The following LIN54 variants were observed in gnomAD, a reference collection of about 807,000 sequenced individuals.
LIN54 encodes lin-54 DREAM MuvB core complex component.
In LIN54, 9 loss-of-function variants were observed where a neutral mutation model predicts 78.7. The ratio of observed to expected loss-of-function variants is 0.11; its 90% CI spans 0.07 to 0.20. LIN54 has a LOEUF of 0.20. LIN54 is among the 10% of genes least tolerant of loss of function. The pLI is 1.00. For synonymous variants in LIN54, 269 were observed against 318.4 expected (o/e 0.84, Z 1.65); for missense variants, 573 against 889.9 (o/e 0.64, Z 4.53).
rs553339083 is a variant in LIN54 at position 82,933,871 on chromosome 4, T to C, written c.1845+2110A>G. ...ATGTCTGAATTTCATATGCCCAGCA[T>C]GTATTGATTTTTCAATGCCATATAC... On this transcript the variant is annotated intron_variant, in intron 11 of 12. Transcript: ENST00000340417. 2.0e-5 allele frequency among the ~76,000 whole-genome samples: 3 copies of C among 152,334 alleles called. No homozygotes were observed. The South Asian group carries it at 6.2e-4, about 32-fold the overall frequency.
chr4:82,956,761 G>A (rs1724368955), intron 4 of LIN54, among the ~76,000 whole-genome samples: 1 of 115,986 alleles, frequency 8.6e-6, no homozygotes, highest in Non-Finnish European at 2.2e-5. Context: ...TTTCTTTGGG[G>A]TGGAGGGGTG....
intron 3 of LIN54, among the ~76,000 whole-genome samples, chr4:82,976,042 G>C (rs1158676588): frequency 6.6e-6 from 1 of 152,162 alleles, no homozygotes. Context: ...CATGTAAAAG[G>C]AACCTTGCCA....
chr4:82,982,751 A>G lies in LIN54; in HGVS notation c.684+1410T>C, dbSNP rs114965134. ...AGCACTAAATGTTTAATAATGGCAA[A>G]GGGGACAGAGGCAAATTATAAGATT... On this transcript the variant is annotated intron_variant, in intron 2 of 12. Transcript: ENST00000340417. Among the ~76,000 whole-genome samples the G allele has an allele frequency of 7.8e-3, 1,192 of 152,304 alleles. 14 individuals are homozygous for G. Among genetic ancestry groups the G allele is most frequent in the Non-Finnish European group, 9.7e-3 (657 of 68,030 alleles).
chr4:82,984,400 C>G lies in LIN54; in HGVS notation c.445G>C (p.Gly149Arg), dbSNP rs535444282. 6.2e-7 allele frequency: 1 copy of G among 1,614,158 alleles called. No homozygotes were observed. Among genetic ancestry groups the G allele is most frequent in the African/African-American group, 1.3e-5 (1 of 75,032 alleles). ...KLILTTLGKS[G>R]SPIVLALPHS... Reference sequence around the variant, plus strand: ...GGTAGTGCTAAAACAATTGGTGAACCAGACTTGCCCAAAGTTGTTAAAATT... The same window carrying G: ...GGTAGTGCTAAAACAATTGGTGAACGAGACTTGCCCAAAGTTGTTAAAATT... The change falls in exon 2 of 13, where the codon GGT becomes CGT. Residue 149 changes from glycine to arginine, a missense_variant. Transcript: ENST00000340417.
chr4:82,974,133 C>A (rs931180176), intron 3 of LIN54, among the ~76,000 whole-genome samples: 1 of 150,998 alleles, frequency 6.6e-6, no homozygotes, highest in Non-Finnish European at 1.5e-5. Flanking sequence ...TGGCGTGAAC[C>A]CAGGAGGCGG....
intron 1 of LIN54, among the ~76,000 whole-genome samples, chr4:83,000,192 C>A (rs533432334): frequency 6.6e-6 from 1 of 152,250 alleles, no homozygotes; most frequent in African/African-American, 2.4e-5. Context: ...CCATGCCCAG[C>A]CCAAACAGGC....
At chr4:82,987,099 T>G (rs1339281878) in intron 1 of LIN54, among the ~76,000 whole-genome samples, 1 of 152,236 alleles carries the variant, frequency 6.6e-6, no homozygotes, top group Non-Finnish European at 1.5e-5. Flanking sequence ...GAGACCAGCC[T>G]GGCCAACATG....
intron 3 of LIN54, among the ~76,000 whole-genome samples, chr4:82,974,024 C>T (rs1382773342): frequency 6.6e-6 from 1 of 152,050 alleles, no homozygotes; most frequent in Non-Finnish European, 1.5e-5. Context: ...TCCTGGCTAA[C>T]ACGGTGAAAC....
chr4:82,930,164 G>A (rs1388592489), intron 12 of LIN54, among the ~76,000 whole-genome samples: 1 of 152,180 alleles, frequency 6.6e-6, no homozygotes, highest in African/African-American at 2.4e-5. Flanking sequence ...CTCCCAAAGT[G>A]CTGGGATTAT....
intron 4 of LIN54, among the ~76,000 whole-genome samples, chr4:82,947,230 TA>T (rs1560733399): frequency 4.0e-4 from 16 of 39,918 alleles, no homozygotes; most frequent in South Asian, 9.3e-4. Flanking sequence ...TATATATATA[TA>T]TATATTTTTT....
At chr4:82,958,815 G>A (rs1268597221) in intron 4 of LIN54, among the ~76,000 whole-genome samples, 1 of 152,060 alleles carries the variant, frequency 6.6e-6, no homozygotes, top group Non-Finnish European at 1.5e-5. Flanking sequence ...TGATTCTCCT[G>A]CCTCAGCCTC....
upstream of LIN54, among the ~76,000 whole-genome samples, chr4:83,011,201 C>G (rs1387483484): frequency 6.6e-6 from 1 of 152,164 alleles, no homozygotes; most frequent in African/African-American, 2.4e-5. Flanking sequence ...TGTGAAAGAC[C>G]TTTAATGTCA....
intron 12 of LIN54, 78 bp from the exon 13 acceptor site, chr4:82,928,381 A>C: frequency 9.1e-7 from 1 of 1,104,832 alleles, no homozygotes; most frequent in East Asian, 2.4e-5. Context: ...TTCATCTGGA[A>C]ATCTCTACTG....
chr4:82,947,235 A>ATATATTTT, intron 4 of LIN54, among the ~76,000 whole-genome samples: 1,345 of 44,186 alleles, frequency 0.03, 69 homozygotes, highest in Middle Eastern at 0.038. Context: ...ATATATATAT[A>ATATATTTT]TTTTTTTTTT....
intron 12 of LIN54, 136 bp downstream of exon 12, chr4:82,930,807 G>A: frequency 2.8e-6 from 2 of 724,490 alleles, no homozygotes; most frequent in Non-Finnish European, 2.3e-6. Context: ...TCCTTTACAA[G>A]TAACTAAAGA....
At chr4:82,932,185 C>G (rs1015779208) in intron 11 of LIN54, among the ~76,000 whole-genome samples, 8 of 150,288 alleles carry the variant, frequency 5.3e-5, no homozygotes, top group African/African-American at 2.0e-4. Context: ...AGCTCCGCCT[C>G]CCAGGTTCAC....
At chr4:83,003,170 C>A (rs1330149499) in intron 1 of LIN54, among the ~76,000 whole-genome samples, 1 of 152,092 alleles carries the variant, frequency 6.6e-6, no homozygotes, top group African/African-American at 2.4e-5. Context: ...TGTGCCACCA[C>A]GCTTGGCTTA....
chr4:83,001,551 G>A (rs1283241433), intron 1 of LIN54, among the ~76,000 whole-genome samples: 1 of 151,050 alleles, frequency 6.6e-6, no homozygotes, highest in Non-Finnish European at 1.5e-5. Context: ...CTGTCAAAAA[G>A]AAAAGAAAAA....
chr4:82,995,192 C>T (rs1019054616), intron 1 of LIN54, among the ~76,000 whole-genome samples: 5 of 151,688 alleles, frequency 3.3e-5, no homozygotes, highest in African/African-American at 4.8e-5. Context: ...CCCAGCTACT[C>T]GGGAGGCTGA....
Sources: allele counts gnomAD v4.1 joint callset (sites outside exome capture counted in the v4.1 genomes callset), GRCh38; gene constraint gnomAD v4.1.1; transcripts MANE v1.5; gene names NCBI Gene and HGNC (gene_info 2026-07-23, HGNC 2026-07-21).